ZNF445: variants seen among roughly 807,000 people sequenced by gnomAD.
The protein encoded by ZNF445 is zinc finger protein 168.
A neutral mutation model predicts 93.9 loss-of-function variants in ZNF445; 19 were observed. The ratio of observed to expected loss-of-function variants is 0.20; its 90% CI spans 0.14 to 0.30. The LOEUF (loss-of-function observed/expected upper bound fraction) is 0.30, where lower values mean the gene tolerates loss of function less well. Ranked by LOEUF, ZNF445 falls within the 10% of genes least tolerant of loss-of-function variation. The probability of loss-of-function intolerance (pLI) is 1.00; values close to 1 mark genes in which losing one functional copy is unlikely to be tolerated. For synonymous variants in ZNF445, 449 were observed against 446.3 expected (o/e 1.01, Z -0.08); for missense variants, 1,058 against 1,259.4 (o/e 0.84, Z 2.42).
At chr3:44,457,180 G>GT in intron 2 of ZNF445, among the ~76,000 whole-genome samples, 1 of 152,258 alleles carries the variant, frequency 6.6e-6, no homozygotes, top group South Asian at 2.1e-4. Context: ...CTGAAGGAAT[G>GT]TTTGTTTCTT....
In ZNF445 at chr3:44,447,271, T is replaced by A; in HGVS notation, c.2400A>T (p.Arg800Ser). The change falls in exon 8 of 8, where the codon AGA becomes AGT. Residue 800 changes from arginine to serine, a missense_variant. By Grantham distance (110) the Arg-to-Ser change is moderately radical. Around this residue, in one of 3 missense-constraint regions of ZNF445, gnomAD observed 387 missense variants for 475.7 expected, o/e 0.81. Coordinates refer to ENST00000396077, the MANE Select transcript of ZNF445 (RefSeq NM_181489.6). This position sits in a 1 kb window ranked among gnomAD's most constrained non-coding sequence, Gnocchi z 4.7. Reference protein sequence around the residue: ...YKCRECGKAFRWSSNLYRHQR... With the variant: ...YKCRECGKAFSWSSNLYRHQR... Reference sequence around the variant, plus strand: ...GATGTCGGTAGAGATTGGAACTCCATCTGAAGGCTTTCCCACACTCCCTGC... The same window carrying A: ...GATGTCGGTAGAGATTGGAACTCCAACTGAAGGCTTTCCCACACTCCCTGC... The A allele has an allele frequency of 3.1e-6, 5 of 1,614,124 alleles. No individual in the cohort carries two copies. The highest frequency in any genetic ancestry group is 4.2e-6 in the Non-Finnish European group (5 of 1,180,006).
Position 44,437,149 on chromosome 3 carries a change from A to T in ZNF445, c.*9426T>A, listed in dbSNP as rs1317767236. ...CTCCCCTCTCCAGGCCATATAGGGT[A>T]ACTTCCTGATGTTGCCATGGCAACT... On this transcript the variant is annotated 3_prime_UTR_variant, in exon 8 of 8. Coordinates refer to ENST00000396077, the MANE Select transcript of ZNF445 (RefSeq NM_181489.6). 1 of 152,200 alleles carries T rather than the reference A, an allele frequency of 6.6e-6. No homozygotes were observed. Among genetic ancestry groups the T allele is most frequent in the Non-Finnish European group, 1.5e-5 (1 of 68,022 alleles). The allele number at this position is 152,200 out of a possible 1,614,324, so 9.4% of individuals were successfully genotyped here.
rs547668080 is a variant in ZNF445 at position 44,469,781 on chromosome 3, A to AAAAAC, written c.-269+7805_-269+7809dup. Among the ~76,000 whole-genome samples, 1,450 of 152,170 alleles carry AAAAAC rather than the reference A, an allele frequency of 9.5e-3. 18 individuals carry two copies. The highest frequency in any genetic ancestry group is 0.031 in the African/African-American group (1,298 of 41,488). Reference sequence around the variant, plus strand: ...AAAACTCCATCTCAAAAACAAAAACAAAAACAAAACAAAACAAAACAAACA... The same window carrying AAAAAC: ...AAAACTCCATCTCAAAAACAAAAACAAAAACAAAACAAAACAAAACAAAACAAACA... On this transcript the variant is annotated intron_variant, in intron 1 of 7. Coordinates refer to ENST00000396077, the MANE Select transcript of ZNF445 (RefSeq NM_181489.6).
rs1022850819 is a variant in ZNF445, at chr3:44,434,424, G to C, written c.*12151C>G. On this transcript the variant is annotated 3_prime_UTR_variant, in exon 8 of 8. Coordinates refer to ENST00000396077, the MANE Select transcript of ZNF445 (RefSeq NM_181489.6). ...TCTGTCTCAAAAAAGAAAAAAAAAA[G>C]AGAGAAAGAAGTTTTGGAAACATTA... The C allele has an allele frequency of 6.8e-6, 1 of 146,660 alleles. No individual in the cohort carries two copies. The highest frequency in any genetic ancestry group is 1.5e-5 in the Non-Finnish European group (1 of 65,782). The allele number at this position is 146,660 out of a possible 1,614,324, so 9.1% of individuals were successfully genotyped here.
rs1575308003 is a variant in ZNF445 at position 44,448,004 on chromosome 3, T to C, written c.1667A>G (p.Tyr556Cys). The C allele has an allele frequency of 6.2e-7, 1 of 1,611,796 alleles. No individual in the cohort carries two copies. Among genetic ancestry groups the C allele is most frequent in the Non-Finnish European group, 8.5e-7 (1 of 1,180,010 alleles). Residue 556 changes from tyrosine (Y) to cysteine (C), a missense_variant, in exon 8 of 8, where the codon TAC becomes TGC. This residue lies in a region of ZNF445 where 657 missense variants were observed against 746.4 expected (regional missense o/e 0.88). Transcript: ENST00000396077. ...AGCATGGGTTTCTCGGTGCAGACGG[T>C]AGGCTGACAGGCGTCGGAAAGCTTT... ...CEKAFRRLSA[Y>C]RLHRETHAKK... is the part of the protein sequence containing the mutation.
At chr3:44,474,215 T>C (rs1698311008) in intron 1 of ZNF445, among the ~76,000 whole-genome samples, 3 of 152,110 alleles carry the variant, frequency 2.0e-5, no homozygotes, top group Admixed American at 1.3e-4. Context: ...TGAGGGACTT[T>C]ATAAAAATAC....
At chr3:44,451,273 T>G in intron 4 of ZNF445, 41 bp downstream of exon 4, 1 of 1,598,236 alleles carries the variant, frequency 6.3e-7, no homozygotes, top group Non-Finnish European at 8.6e-7. Flanking sequence ...ATGCAAGAAG[T>G]GTGGCATAAG....
chr3:44,462,673 GAAAAAAAAAGA>G (rs1290859791), intron 1 of ZNF445, among the ~76,000 whole-genome samples: 6 of 145,344 alleles, frequency 4.1e-5, no homozygotes, highest in Non-Finnish European at 6.0e-5. Context: ...TCTAAATCTT[GAAAAAAAAAGA>G]AAAAAAAAAG....
rs539004408 is a variant in ZNF445 at position 44,452,175 on chromosome 3, A to G, written c.430-693T>C. Among the ~76,000 whole-genome samples the G allele has an allele frequency of 1.1e-4, 16 of 152,250 alleles. No homozygotes were observed. In the South Asian group the frequency reaches 3.3e-3, roughly 32 times the overall value. On this transcript the variant is annotated intron_variant, in intron 3 of 7. Transcript: ENST00000396077. ...AGGCAAGGCTGTCCCTCACATAGAG[A>G]TGAGTACAGGAAACTACAATTTGAG... is the stretch of plus-strand genomic sequence containing the variant.
chr3:44,455,349 T>G lies in ZNF445; in HGVS notation c.201A>C (p.Ser67=). ...GCCGGCTCAGAGTTTCTAGGGGCCC[T>G]GAAGACTCATGGTAGCGAAGCTGTC... The part of the protein sequence containing the change: ...LFRQLRYHES[S]GPLETLSRLR... Residue 67 remains serine (S), a synonymous_variant, in exon 3 of 8, where the codon TCA becomes TCC. Coordinates refer to ENST00000396077, the MANE Select transcript of ZNF445 (RefSeq NM_181489.6). 1.2e-6 allele frequency: 2 copies of G among 1,613,974 alleles called. No homozygotes were observed. Among genetic ancestry groups the G allele is most frequent in the Non-Finnish European group, 1.7e-6 (2 of 1,179,908 alleles).
chr3:44,466,105 T>C (rs569297758), intron 1 of ZNF445, among the ~76,000 whole-genome samples: 11 of 152,318 alleles, frequency 7.2e-5, no homozygotes, highest in East Asian at 1.9e-4. Context: ...AGAGATTCAG[T>C]TGGCCTCAAG....
chr3:44,469,071 G>A (rs60353268), intron 1 of ZNF445, among the ~76,000 whole-genome samples: 1,816 of 150,450 alleles, frequency 0.012, 33 homozygotes, highest in African/African-American at 0.042. Flanking sequence ...TTTATAGGAT[G>A]AAATACTCAC....
rs1229544601 is a variant in ZNF445, at chr3:44,439,248, T to C, written c.*7327A>G. On this transcript the variant is annotated 3_prime_UTR_variant, in exon 8 of 8. Coordinates refer to ENST00000396077, the MANE Select transcript of ZNF445 (RefSeq NM_181489.6). ...TCGCTTGAGCCTGGGAAAGTGGAGGTTGCAGTGAGCTGAGATCGTGCCACT... is the reference window on the plus strand; with the variant it reads ...TCGCTTGAGCCTGGGAAAGTGGAGGCTGCAGTGAGCTGAGATCGTGCCACT... 3 of 148,982 alleles carry C rather than the reference T, an allele frequency of 2.0e-5. No homozygotes were observed. The highest frequency in any genetic ancestry group is 3.0e-5 in the Non-Finnish European group (2 of 67,532). 9.2% of individuals were successfully genotyped at this position (148,982 alleles called of 1,614,324 possible).
chr3:44,454,311 C>T (rs1405925372), intron 3 of ZNF445, among the ~76,000 whole-genome samples: 2 of 152,134 alleles, frequency 1.3e-5, no homozygotes, highest in Non-Finnish European at 2.9e-5. Flanking sequence ...GCCAAGAGCC[C>T]TAACCCTAAA....
intron 1 of ZNF445, among the ~76,000 whole-genome samples, chr3:44,472,890 C>G (rs1041786438): frequency 6.6e-6 from 1 of 152,186 alleles, no homozygotes; most frequent in African/African-American, 2.4e-5. Flanking sequence ...GGACTCTCCC[C>G]CCAGAGCTTT....
In ZNF445 at chr3:44,455,534, A is replaced by G; in HGVS notation, c.16T>C (p.Trp6Arg). 3.1e-6 allele frequency: 5 copies of G among 1,599,928 alleles called. No homozygotes were observed. Among genetic ancestry groups the G allele is most frequent in the Non-Finnish European group, 4.3e-6 (5 of 1,173,052 alleles). MPPGR[W>R]HAAYPAQAQS... ...GCCTGAGCTGGATAGGCAGCATGCC[A>G]CCTGCCTGGAGGCATCACTCCTGTT... Residue 6 changes from tryptophan (W) to arginine (R), a missense_variant, in exon 3 of 8, where the codon TGG (tryptophan) becomes CGG (arginine). Trp to Arg is a moderately radical substitution (Grantham distance 101). Around this residue, in one of 3 missense-constraint regions of ZNF445, gnomAD observed 657 missense variants for 746.4 expected, o/e 0.88. Transcript: ENST00000396077.
In ZNF445 at chr3:44,435,425, GAA is replaced by G. The variant is rs1297643414; in HGVS notation, c.*11148_*11149del. 6.6e-6 allele frequency: 1 copy of G among 152,184 alleles called. No homozygotes were observed. Among genetic ancestry groups the G allele is most frequent in the African/African-American group, 2.4e-5 (1 of 41,442 alleles). 9.4% of individuals were successfully genotyped at this position (152,184 alleles called of 1,614,324 possible). A position where few individuals can be genotyped will look rare whatever the true frequency, so the allele number is the denominator to read the frequency against. Reference sequence around the variant, plus strand: ...TTGCTCAGCACTGAAACCACATGTGGAAACAGCACCTGCACTTGGAATCACTA... The same window carrying G: ...TTGCTCAGCACTGAAACCACATGTGGACAGCACCTGCACTTGGAATCACTA... On this transcript the variant is annotated 3_prime_UTR_variant, in exon 8 of 8. Coordinates refer to ENST00000396077, the MANE Select transcript of ZNF445 (RefSeq NM_181489.6).
intron 1 of ZNF445, among the ~76,000 whole-genome samples, chr3:44,468,500 G>T (rs1199400003): frequency 1.3e-5 from 2 of 152,188 alleles, no homozygotes; most frequent in Non-Finnish European, 2.9e-5. Flanking sequence ...CACAAGATTA[G>T]AAATTATGGT....
chr3:44,450,784 A>G, intron 5 of ZNF445, 84 bp downstream of exon 5: 1 of 1,346,528 alleles, frequency 7.4e-7, no homozygotes, highest in African/African-American at 1.5e-5. Flanking sequence ...TACTAGACAG[A>G]GAAACCCAGG....
Sources: allele counts gnomAD v4.1 joint callset (sites outside exome capture counted in the v4.1 genomes callset), GRCh38; gene constraint gnomAD v4.1.1; regional missense constraint gnomAD v4.1.1; non-coding constraint Gnocchi (gnomAD v3.1); transcripts MANE v1.5; gene names NCBI Gene and HGNC (gene_info 2026-07-23, HGNC 2026-07-21).